TMEM209: variants seen among roughly 807,000 people sequenced by gnomAD.
TMEM209 encodes transmembrane protein 209.
Under a neutral mutation model 76.2 loss-of-function variants are expected in TMEM209, and 65 were observed. That is an observed-to-expected ratio of 0.85 (90% CI 0.70 to 1.05). The LOEUF is 1.05. Ranked by LOEUF, TMEM209 falls within the 50% of genes least tolerant of loss-of-function variation. The pLI is 0.00. For synonymous variants in TMEM209, 239 were observed against 237.6 expected (o/e 1.01, Z -0.06); for missense variants, 623 against 685.5 (o/e 0.91, Z 1.02).
intron 11 of TMEM209, chr7:130,175,190 A>C (rs1797193124): frequency 4.2e-6 from 1 of 238,908 alleles, no homozygotes; most frequent in Non-Finnish European, 8.0e-6. Flanking sequence ...GGTCAGGCAC[A>C]GTAGCTCGTG....
intron 10 of TMEM209, among the ~76,000 whole-genome samples, chr7:130,176,568 G>A (rs902251853): frequency 3.3e-5 from 5 of 151,930 alleles, no homozygotes; most frequent in Admixed American, 2.0e-4. Context: ...ACTCAAACAT[G>A]AATTTATGGG....
At chr7:130,204,173 A>C in intron 1 of TMEM209, 63 bp from the exon 2 acceptor site, 1 of 1,518,010 alleles carries the variant, frequency 6.6e-7, no homozygotes, top group South Asian at 1.3e-5. Flanking sequence ...TTAAAAACCA[A>C]ATTTTGCATC....
chr7:130,166,547 G>T, intron 14 of TMEM209, 42 bp from the exon 15 acceptor site: 2 of 1,337,456 alleles, frequency 1.5e-6, no homozygotes, highest in Non-Finnish European at 1.0e-6. Context: ...TGGTTGCCAA[G>T]CATTTAAGGT....
rs994114885 is a variant in TMEM209, at chr7:130,172,403, C to T, written c.1557+1229G>A. Among the ~76,000 whole-genome samples the T allele has an allele frequency of 2.0e-5, 3 of 151,714 alleles. No individual in the cohort carries two copies. The South Asian group carries it at 6.2e-4, about 32-fold the overall frequency. On this transcript the variant is annotated intron_variant, in intron 13 of 14. Coordinates refer to ENST00000397622, the MANE Select transcript of TMEM209 (RefSeq NM_032842.4). ...TGCCACCCAGGCTGGAGTGCAGTGG[C>T]GTGATCTCGGCTCACTGCAAGCTCC...
rs759038226 is a variant in TMEM209 at position 130,203,763 on chromosome 7, G to A, written c.199+25C>T. 22 of 1,573,634 alleles carry A rather than the reference G, an allele frequency of 1.4e-5. No homozygotes were observed. In the African/African-American group the frequency reaches 3.0e-4, roughly 21 times the overall value. On this transcript the variant is annotated intron_variant, in intron 3 of 14. Coordinates refer to ENST00000397622, the MANE Select transcript of TMEM209 (RefSeq NM_032842.4). ...GGCAGTTTTTTATTGGTAAATGTAA[G>A]TTACAGTGAAAATTACTTACTTACC...
Position 130,170,406 on chromosome 7 carries a change from A to T in TMEM209, c.1625T>A (p.Met542Lys), listed in dbSNP as rs1797030366. ...LYIIKTKESG[M>K]LGRVNLGLSG... ...TTAAAGCATAAGTACCTACCCAAGC[A>T]TTCCTGACTCTTTGGTCTTTATGAT... The change falls in exon 14 of 15, where the codon ATG (methionine) becomes AAG (lysine). Residue 542 changes from methionine (M) to lysine (K), a missense_variant. Met to Lys is a moderately conservative substitution (Grantham distance 95, BLOSUM62 -1). Coordinates refer to ENST00000397622, the MANE Select transcript of TMEM209 (RefSeq NM_032842.4). 1 of 1,612,122 alleles carries T rather than the reference A, an allele frequency of 6.2e-7. No individual in the cohort carries two copies. The highest frequency in any genetic ancestry group is 1.3e-5 in the African/African-American group (1 of 74,990).
At chr7:130,182,655 G>T (rs1169742464) in intron 8 of TMEM209, among the ~76,000 whole-genome samples, 1 of 152,132 alleles carries the variant, frequency 6.6e-6, no homozygotes, top group Non-Finnish European at 1.5e-5. Context: ...TCTGGTTTGT[G>T]TGTTATTATT....
intron 13 of TMEM209, among the ~76,000 whole-genome samples, chr7:130,172,663 T>C (rs1797107665): frequency 6.6e-6 from 1 of 152,116 alleles, no homozygotes. Flanking sequence ...AGAGAAATGG[T>C]TGAATAAATT....
chr7:130,201,856 A>G lies in TMEM209; in HGVS notation c.567T>C (p.Tyr189=), dbSNP rs1179814014. The G allele has an allele frequency of 8.7e-6, 14 of 1,613,980 alleles. No individual in the cohort carries two copies. Among genetic ancestry groups the G allele is most frequent in the Non-Finnish European group, 1.2e-5 (14 of 1,179,878 alleles). Residue 189 remains tyrosine, a synonymous_variant, in exon 5 of 15, where the codon TAT becomes TAC. Transcript: ENST00000397622. ...PGVTYSPVSG[Y]NKLASFSPSP... is the part of the protein sequence containing the mutation. The stretch of plus-strand genomic sequence containing the variant: ...AAGAGAAGAGAGTCATTACCTTATT[A>G]TAACCACTGACGGGCGAGTAGGTCA...
chr7:130,183,755 A>T (rs1330001448), intron 8 of TMEM209, among the ~76,000 whole-genome samples: 3 of 152,350 alleles, frequency 2.0e-5, no homozygotes, highest in African/African-American at 7.2e-5. Context: ...CTAGAAAAAC[A>T]GAAATCATAA....
At chr7:130,178,339 C>T (rs2116985527) in intron 10 of TMEM209, 63 bp downstream of exon 10, 1 of 1,455,642 alleles carries the variant, frequency 6.9e-7, no homozygotes, top group Non-Finnish European at 9.2e-7. Context: ...TGTTAATCTT[C>T]ACTGATAAAA....
rs912056573 is a variant in TMEM209 at position 130,166,046 on chromosome 7, C to A, written c.*405G>T. 6.5e-6 allele frequency: 1 copy of A among 153,778 alleles called. No homozygotes were observed. The highest frequency in any genetic ancestry group is 2.4e-5 in the African/African-American group (1 of 40,974). The allele number at this position is 153,778 out of a possible 1,614,324, so 9.5% of individuals were successfully genotyped here. A position where few individuals can be genotyped will look rare whatever the true frequency, so the allele number is the denominator to read the frequency against. The stretch of plus-strand genomic sequence containing the variant: ...GCACTCCAGTCTGCGTTGACAGAGA[C>A]CCTCTCTAAAAAAAAAAAAGACTGA... On this transcript the variant is annotated 3_prime_UTR_variant, in exon 15 of 15. Transcript: ENST00000397622.
In TMEM209 at chr7:130,166,502, T is replaced by G; in HGVS notation, c.1635A>C (p.Arg545Ser). 6.5e-7 allele frequency: 1 copy of G among 1,530,766 alleles called. No individual in the cohort carries two copies. Among genetic ancestry groups the G allele is most frequent in the Non-Finnish European group, 8.8e-7 (1 of 1,139,914 alleles). 94.8% of individuals were successfully genotyped at this position (1,530,766 alleles called of 1,614,324 possible). A position where few individuals can be genotyped will look rare whatever the true frequency, so the allele number is the denominator to read the frequency against. ...IKTKESGMLG[R>S]VNLGLSGVNI... is the part of the protein sequence containing the mutation. The stretch of plus-strand genomic sequence containing the variant: ...TCACACCAGATAGACCAAGATTAAC[T>G]CTCCTATAAAGAGAAAAAAAATTTT... The change falls in exon 15 of 15, where the codon AGA (arginine) becomes AGC (serine). Residue 545 changes from arginine (R) to serine (S), a missense_variant. Physicochemically the swap from Arg to Ser is moderately radical, Grantham distance 110 (BLOSUM62 -1). Transcript: ENST00000397622.
At chr7:130,190,015 CTCAA>C (rs1797738841) in intron 6 of TMEM209, among the ~76,000 whole-genome samples, 1 of 152,044 alleles carries the variant, frequency 6.6e-6, no homozygotes, top group South Asian at 2.1e-4. Flanking sequence ...GGGGGATTAG[CTCAA>C]AGAATGATAG....
chr7:130,185,205 T>A lies in TMEM209; in HGVS notation c.938A>T (p.Gln313Leu), dbSNP rs535464239. The part of the protein sequence containing the change: ...NKDEADLSSK[Q>L]AAEEVWARVA... ...TTTTCCACTTACCTCTTCTGCGGCT[T>A]GTTTAGAGCTGAGATCGGCTTCATC... The change falls in exon 7 of 15, where the codon CAA becomes CTA. Residue 313 changes from glutamine (Q) to leucine (L), a missense_variant. Physicochemically the swap from Gln to Leu is moderately radical, Grantham distance 113. Transcript: ENST00000397622. 1 of 1,612,594 alleles carries A rather than the reference T, an allele frequency of 6.2e-7. No homozygotes were observed. Among genetic ancestry groups the A allele is most frequent in the East Asian group, 2.2e-5 (1 of 44,866 alleles).
intron 5 of TMEM209, among the ~76,000 whole-genome samples, chr7:130,194,198 C>CA (rs577499976): frequency 0.017 from 1,758 of 105,210 alleles, 34 homozygotes; most frequent in African/African-American, 0.041. Flanking sequence ...GACTCCGTCT[C>CA]AAAAAAAAAA....
At position 130,175,560 on chromosome 7, in the gene TMEM209, G is replaced by A. The variant is rs768587293; in HGVS notation, c.1296C>T (p.Gly432=). ...TATCCCACTTTCGTCCTTTGAAGTC[G>A]CCACCTCTGTTCCATCGAAATGAGC... The part of the protein sequence containing the change: ...CMSSFRWNRG[G]DFKGRKWDTD... The change falls in exon 11 of 15, where the codon GGC becomes GGT. Residue 432 remains glycine (G), a synonymous_variant. Coordinates refer to ENST00000397622, the MANE Select transcript of TMEM209 (RefSeq NM_032842.4). The A allele has an allele frequency of 1.5e-5, 25 of 1,613,014 alleles. No homozygotes were observed. The highest frequency in any genetic ancestry group is 2.0e-5 in the Non-Finnish European group (24 of 1,179,640).
intron 10 of TMEM209, 49 bp downstream of exon 10, chr7:130,178,353 C>T: frequency 6.6e-7 from 1 of 1,506,710 alleles, no homozygotes; most frequent in South Asian, 1.3e-5. Context: ...GATAAAATTC[C>T]AGCATAGTAA....
intron 6 of TMEM209, among the ~76,000 whole-genome samples, chr7:130,188,174 G>C (rs1584683487): frequency 6.6e-6 from 1 of 152,300 alleles, no homozygotes; most frequent in Admixed American, 6.5e-5. Context: ...TAACAGTTTA[G>C]ACATTACTAA....
Sources: gnomAD v4.1 joint callset for allele counts (sites outside exome capture counted in the v4.1 genomes callset) on GRCh38, gnomAD v4.1.1 for gene constraint, MANE v1.5 for transcripts, NCBI Gene and HGNC (gene_info 2026-07-23, HGNC 2026-07-21) for gene names.